Variants in GRB14 observed in about 807,000 individuals in gnomAD.
GRB14 encodes growth factor receptor bound protein 14, also known as growth factor receptor-bound protein 14.
In GRB14, 38 loss-of-function variants were observed where a neutral mutation model predicts 69.1. The observed-to-expected ratio is 0.55, with a 90% CI of 0.42 to 0.72. The LOEUF (loss-of-function observed/expected upper bound fraction) is 0.72, where lower values mean the gene tolerates loss of function less well. GRB14 is among the 30% of genes least tolerant of loss of function. The pLI is 0.00. For synonymous variants in GRB14, 247 were observed against 241.3 expected (o/e 1.02, Z -0.22); for missense variants, 666 against 666.1 (o/e 1.00, Z 0.00).
intron 3 of GRB14, among the ~76,000 whole-genome samples, chr2:164,545,196 T>C (rs1688343492): frequency 2.0e-5 from 3 of 152,184 alleles, no homozygotes; most frequent in Non-Finnish European, 4.4e-5. Context: ...TTTAAAATGA[T>C]TTTGATGATT....
At chr2:164,618,156 G>A (rs886474815) in intron 2 of GRB14, among the ~76,000 whole-genome samples, 21 of 152,128 alleles carry the variant, frequency 1.4e-4, no homozygotes, top group Admixed American at 2.0e-4. Flanking sequence ...TAGTGGAGAC[G>A]GGGTTTTACC....
intron 12 of GRB14, 87 bp from the exon 13 acceptor site, chr2:164,494,611 G>T: frequency 1.2e-6 from 1 of 804,722 alleles, no homozygotes; most frequent in Non-Finnish European, 2.2e-6. Flanking sequence ...AGAAGTGTAT[G>T]CATAAATGTA....
chr2:164,621,087 G>A lies in GRB14; in HGVS notation c.191+32C>T. 1 of 1,245,370 alleles carries A rather than the reference G, an allele frequency of 8.0e-7. No homozygotes were observed. 77.1% of individuals were successfully genotyped at this position (1,245,370 alleles called of 1,614,324 possible). On this transcript the variant is annotated intron_variant, in intron 1 of 13. Coordinates refer to ENST00000263915, the MANE Select transcript of GRB14 (RefSeq NM_004490.3). The surrounding 1 kb of genome is among the most constrained non-coding windows in gnomAD (Gnocchi z 6.0). ...ACCCCCTCGCCGGCTGCCCAGCCAG[G>A]ACACTCCCCCGCGCCCTCCAGGGTT... is the stretch of plus-strand genomic sequence containing the variant.
chr2:164,606,115 A>G (rs1371381646), intron 2 of GRB14, among the ~76,000 whole-genome samples: 3 of 152,212 alleles, frequency 2.0e-5, no homozygotes, highest in Non-Finnish European at 4.4e-5. Context: ...TTTCAATTAA[A>G]GTTAACGTTC....
chr2:164,578,823 C>A (rs527250379), intron 2 of GRB14, among the ~76,000 whole-genome samples: 9 of 152,224 alleles, frequency 5.9e-5, no homozygotes, highest in African/African-American at 2.2e-4. Context: ...TTCTGGTTCT[C>A]TATAGACTAA....
intron 2 of GRB14, among the ~76,000 whole-genome samples, chr2:164,580,708 A>AG (rs1689381650): frequency 1.3e-5 from 1 of 76,910 alleles, no homozygotes; most frequent in East Asian, 2.0e-4. Flanking sequence ...CATCTCAGGA[A>AG]GAAAAAAAAA....
At chr2:164,522,618 T>A (rs912534636) in intron 5 of GRB14, among the ~76,000 whole-genome samples, 2 of 152,138 alleles carry the variant, frequency 1.3e-5, no homozygotes, top group African/African-American at 4.8e-5. Flanking sequence ...CTGACTTCAA[T>A]TGTGAAGCAG....
intron 12 of GRB14, among the ~76,000 whole-genome samples, chr2:164,496,271 C>T (rs1686890777): frequency 6.6e-6 from 1 of 152,124 alleles, no homozygotes; most frequent in African/African-American, 2.4e-5. Flanking sequence ...CTCATCTAAA[C>T]CACAATACAA....
chr2:164,523,251 A>C (rs13027325), intron 5 of GRB14, among the ~76,000 whole-genome samples: 15,910 of 152,118 alleles, frequency 0.1, 970 homozygotes, highest in Middle Eastern at 0.17. Context: ...ATGTAAATGG[A>C]TACTTTAAAC....
intron 8 of GRB14, among the ~76,000 whole-genome samples, chr2:164,502,680 C>T (rs1448669722): frequency 6.6e-6 from 1 of 151,330 alleles, no homozygotes; most frequent in African/African-American, 2.4e-5. Context: ...TTGGGAAGGG[C>T]GATGTGCTTT....
chr2:164,514,554 G>T (rs900009126), intron 6 of GRB14, among the ~76,000 whole-genome samples: 1 of 152,164 alleles, frequency 6.6e-6, no homozygotes, highest in Non-Finnish European at 1.5e-5. Flanking sequence ...GGCACTCTCG[G>T]TCCCTGGGGA....
chr2:164,505,003 CAAA>C (rs1341586038), intron 8 of GRB14, among the ~76,000 whole-genome samples: 1 of 152,142 alleles, frequency 6.6e-6, no homozygotes, highest in Non-Finnish European at 1.5e-5. Context: ...TAAAGGCTGC[CAAA>C]AGGCAAGGTA....
At chr2:164,539,318 T>A (rs1346480762) in intron 3 of GRB14, among the ~76,000 whole-genome samples, 1 of 151,760 alleles carries the variant, frequency 6.6e-6, no homozygotes, top group Non-Finnish European at 1.5e-5. Context: ...CTACTAAAAA[T>A]ACAAAAATTA....
In GRB14 at chr2:164,568,585, C is replaced by T. The variant is rs937724858; in HGVS notation, c.325-20769G>A. 51 of 415,098 alleles carry T rather than the reference C, an allele frequency of 1.2e-4. 1 individual carries two copies. The East Asian group carries it at 2.2e-3, about 18-fold the overall frequency. 25.7% of individuals were successfully genotyped at this position (415,098 alleles called of 1,614,324 possible). A position where few individuals can be genotyped will look rare whatever the true frequency, so the allele number is the denominator to read the frequency against. On this transcript the variant is annotated intron_variant, in intron 2 of 13. Coordinates refer to ENST00000263915, the MANE Select transcript of GRB14 (RefSeq NM_004490.3). ...GACAAGGCAGCAACCAATCAAAGCC[C>T]GGAAAACCCCGCCTTTGTCCTTGGA...
chr2:164,583,568 C>T (rs547603900), intron 2 of GRB14, among the ~76,000 whole-genome samples: 32 of 152,054 alleles, frequency 2.1e-4, no homozygotes, highest in African/African-American at 5.8e-4. Flanking sequence ...CAAGGATGCA[C>T]ATTACAATAT....
chr2:164,511,141 A>G (rs779876651), intron 6 of GRB14, among the ~76,000 whole-genome samples: 6 of 152,126 alleles, frequency 3.9e-5, no homozygotes, highest in Non-Finnish European at 8.8e-5. Context: ...CTGCGGACTA[A>G]ACTGCTCTGA....
intron 3 of GRB14, among the ~76,000 whole-genome samples, chr2:164,536,798 T>C (rs974833350): frequency 6.6e-6 from 1 of 152,204 alleles, no homozygotes; most frequent in African/African-American, 2.4e-5. Context: ...TTAATTGATA[T>C]TATAAACAAT....
At chr2:164,517,796 T>C (rs949357969) in intron 6 of GRB14, among the ~76,000 whole-genome samples, 7 of 152,014 alleles carry the variant, frequency 4.6e-5, no homozygotes, top group African/African-American at 1.7e-4. Context: ...ATAAAGGAAA[T>C]TGTCCAGTAG....
chr2:164,574,109 A>G, intron 2 of GRB14: 2 of 720,638 alleles, frequency 2.8e-6, no homozygotes, highest in Non-Finnish European at 4.8e-6. Context: ...ATACTCTACT[A>G]TGAATTTTCA....
Sources: allele counts gnomAD v4.1 joint callset (sites outside exome capture counted in the v4.1 genomes callset), GRCh38; gene constraint gnomAD v4.1.1; non-coding constraint Gnocchi (gnomAD v3.1); transcripts MANE v1.5; gene names NCBI Gene and HGNC (gene_info 2026-07-23, HGNC 2026-07-21).